The following PPP6R3 variants were observed in gnomAD, a reference collection of about 807,000 sequenced individuals.
PPP6R3 encodes protein phosphatase 6 regulatory subunit 3, also known as serine/threonine-protein phosphatase 6 regulatory subunit 3.
A neutral mutation model predicts 110.7 loss-of-function variants in PPP6R3; 38 were observed. The ratio of observed to expected loss-of-function variants is 0.34; its 90% CI spans 0.26 to 0.45. The LOEUF (loss-of-function observed/expected upper bound fraction) is 0.45, where lower values mean the gene tolerates loss of function less well. Among genes scored for constraint, PPP6R3 ranks in the 20% least tolerant of loss-of-function variants. PPP6R3 has a pLI of 1.00. For synonymous variants in PPP6R3, 369 were observed against 373.5 expected, an observed-to-expected ratio of 0.99 and a Z score of 0.14; for missense variants, 870 against 1,062.4, an observed-to-expected ratio of 0.82 and a Z score of 2.52.
At chr11:68,471,300 AG>A (rs2098790478) in intron 1 of PPP6R3, among the ~76,000 whole-genome samples, 4 of 150,418 alleles carry the variant, frequency 2.7e-5, no homozygotes, top group Non-Finnish European at 4.4e-5. Context: ...AAAAAAAAAA[AG>A]AAAAAGAAAT....
In PPP6R3 at chr11:68,588,138, G is replaced by A. The variant is rs1593673763; in HGVS notation, c.1730+114G>A. On this transcript the variant is annotated intron_variant, in intron 16 of 23. Transcript: ENST00000393800. ...GAGCATTCGTGAGTGGGAGGAACCTGCTCTTTCCACGGTGTTCCTCTAGTT... is the reference window on the plus strand; with the variant it reads ...GAGCATTCGTGAGTGGGAGGAACCTACTCTTTCCACGGTGTTCCTCTAGTT... 5.5e-6 allele frequency: 5 copies of A among 910,398 alleles called. No homozygotes were observed. The East Asian group carries it at 1.2e-4, about 22-fold the overall frequency. 56.4% of individuals were successfully genotyped at this position (910,398 alleles called of 1,614,324 possible).
At chr11:68,572,784 A>G (rs2099512572) in intron 12 of PPP6R3, among the ~76,000 whole-genome samples, 1 of 151,958 alleles carries the variant, frequency 6.6e-6, no homozygotes, top group Non-Finnish European at 1.5e-5. Flanking sequence ...TGAAGCTGCA[A>G]TGAGCTGTGA....
At chr11:68,558,403 G>A (rs2099407340) in intron 7 of PPP6R3, 163 bp from the exon 8 acceptor site, 1 of 470,338 alleles carries the variant, frequency 2.1e-6, no homozygotes, top group Non-Finnish European at 3.7e-6. Flanking sequence ...TTATAAATAG[G>A]ATCAATTGCC....
At chr11:68,527,673 A>C (rs1255876156) in intron 2 of PPP6R3, among the ~76,000 whole-genome samples, 1 of 152,226 alleles carries the variant, frequency 6.6e-6, no homozygotes, top group Non-Finnish European at 1.5e-5. Flanking sequence ...TAGATATTTT[A>C]ATGCATACTT....
At chr11:68,486,407 C>T (rs183656903) in intron 1 of PPP6R3, among the ~76,000 whole-genome samples, 14 of 152,002 alleles carry the variant, frequency 9.2e-5, no homozygotes, top group Admixed American at 7.2e-4. Flanking sequence ...AGATCAAGAC[C>T]ATCCTGGCTA....
intron 3 of PPP6R3, among the ~76,000 whole-genome samples, chr11:68,543,502 G>A (rs530602369): frequency 6.6e-6 from 1 of 151,794 alleles, no homozygotes; most frequent in South Asian, 2.1e-4. Context: ...AGCCTGTCAA[G>A]TGCCGTGGCT....
chr11:68,590,994 C>G (rs1198747480), intron 17 of PPP6R3, among the ~76,000 whole-genome samples: 1 of 152,096 alleles, frequency 6.6e-6, no homozygotes, highest in Non-Finnish European at 1.5e-5. Context: ...TGACACCAAC[C>G]CACTGCCTTT....
intron 2 of PPP6R3, among the ~76,000 whole-genome samples, chr11:68,521,230 TA>T (rs1327632542): frequency 6.6e-6 from 1 of 152,212 alleles, no homozygotes; most frequent in Non-Finnish European, 1.5e-5. Context: ...ATTTTAGGAT[TA>T]TTTTTTTCTC....
intron 1 of PPP6R3, among the ~76,000 whole-genome samples, chr11:68,501,164 AAT>A (rs1319556283): frequency 6.6e-6 from 1 of 152,208 alleles, no homozygotes; most frequent in Non-Finnish European, 1.5e-5. Context: ...TGTGATGAAC[AAT>A]ATGTTAAGGG....
chr11:68,550,632 GC>G (rs781081062), intron 5 of PPP6R3, among the ~76,000 whole-genome samples: 14 of 152,174 alleles, frequency 9.2e-5, no homozygotes, highest in Non-Finnish European at 1.3e-4. Context: ...CACGTTTCCT[GC>G]AGTGGGTTTG....
At chr11:68,578,128 T>C (rs189942070) in intron 14 of PPP6R3, among the ~76,000 whole-genome samples, 1 of 152,332 alleles carries the variant, frequency 6.6e-6, no homozygotes, top group African/African-American at 2.4e-5. Flanking sequence ...TCCAAGTGTT[T>C]AATATGCTTA....
At position 68,611,206 on chromosome 11, in the gene PPP6R3, A is replaced by G. The variant is rs2513301; in HGVS notation, c.2570+1183A>G. ...TCAATGTATTTTTTAATGGTCCTTT[A>G]TAGGTCTCATTCCCAATCAATTATT... On this transcript the variant is annotated intron_variant, in intron 23 of 23. Transcript: ENST00000393800. Among the ~76,000 whole-genome samples the G allele has an allele frequency of 1.4e-3, 219 of 152,182 alleles. 1 individual carries two copies. The highest frequency in any genetic ancestry group is 5.0e-3 in the African/African-American group (206 of 41,506).
chr11:68,556,970 CTG>C (rs1395063475), intron 7 of PPP6R3, among the ~76,000 whole-genome samples: 2 of 152,228 alleles, frequency 1.3e-5, no homozygotes, highest in Non-Finnish European at 2.9e-5. Context: ...GCTAGGGCCT[CTG>C]TTAGCCATCT....
intron 1 of PPP6R3, among the ~76,000 whole-genome samples, chr11:68,476,276 CA>C (rs1038851178): frequency 9.2e-5 from 14 of 152,144 alleles, no homozygotes; most frequent in African/African-American, 3.4e-4. Flanking sequence ...GCCCGGCCAA[CA>C]CAGCGAAACC....
At chr11:68,588,105 T>C in intron 16 of PPP6R3, 81 bp downstream of exon 16, 1 of 1,283,636 alleles carries the variant, frequency 7.8e-7, no homozygotes, top group Non-Finnish European at 1.1e-6. Context: ...TGCGGGATTC[T>C]TAGTCTTGAG....
At chr11:68,534,371 A>G (rs759527107) in intron 2 of PPP6R3, among the ~76,000 whole-genome samples, 5 of 152,102 alleles carry the variant, frequency 3.3e-5, no homozygotes, top group Non-Finnish European at 5.9e-5. Flanking sequence ...TTTTTTTCTT[A>G]AAACAACCCT....
chr11:68,587,827 G>A (rs113375266), intron 15 of PPP6R3, 100 bp from the exon 16 acceptor site: 9 of 996,574 alleles, frequency 9.0e-6, no homozygotes, highest in Non-Finnish European at 1.5e-5. Context: ...TAGCCCTATG[G>A]CTATGTAAAT....
At chr11:68,525,395 T>G (rs1271871054) in intron 2 of PPP6R3, among the ~76,000 whole-genome samples, 1 of 152,222 alleles carries the variant, frequency 6.6e-6, no homozygotes, top group Non-Finnish European at 1.5e-5. Flanking sequence ...CATAAGGAGC[T>G]ATAAAGACCA....
intron 1 of PPP6R3, among the ~76,000 whole-genome samples, chr11:68,507,082 C>T (rs1321005395): frequency 6.6e-6 from 1 of 152,128 alleles, no homozygotes; most frequent in Middle Eastern, 3.2e-3. Flanking sequence ...TATATGCCTG[C>T]AGTGATTTGA....
Sources: gnomAD v4.1 joint callset for allele counts (sites outside exome capture counted in the v4.1 genomes callset) on GRCh38, gnomAD v4.1.1 for gene constraint, MANE v1.5 for transcripts, NCBI Gene and HGNC (gene_info 2026-07-23, HGNC 2026-07-21) for gene names.